CSMD1: variants seen among roughly 807,000 people sequenced by gnomAD.
CSMD1 encodes CUB and Sushi multiple domains 1.
Under a neutral mutation model 417.5 loss-of-function variants are expected in CSMD1, and 213 were observed. The ratio of observed to expected loss-of-function variants is 0.51; its 90% CI spans 0.46 to 0.57. The LOEUF is 0.57. CSMD1 is among the 20% of genes least tolerant of loss of function. The pLI, the probability that CSMD1 is intolerant of heterozygous loss-of-function variation, is 0.00. For synonymous variants in CSMD1, 2,862 were observed against 1,736.8 expected, an observed-to-expected ratio of 1.65 and a Z score of -16.11; for missense variants, 6,923 against 4,529.7, an observed-to-expected ratio of 1.53 and a Z score of -15.17.
At chr8:4,459,956 A>C (rs1434670867) in intron 2 of CSMD1, among the ~76,000 whole-genome samples, 1 of 152,224 alleles carries the variant, frequency 6.6e-6, no homozygotes. Context: ...ATAGAGGAAC[A>C]GAACAATCTA....
chr8:4,165,171 T>C (rs1273759691), intron 3 of CSMD1, among the ~76,000 whole-genome samples: 1 of 152,154 alleles, frequency 6.6e-6, no homozygotes, highest in Non-Finnish European at 1.5e-5. Context: ...ATATGATACC[T>C]ACGCCTAGCC....
At chr8:4,575,784 G>T (rs1043775387) in intron 2 of CSMD1, among the ~76,000 whole-genome samples, 14 of 152,254 alleles carry the variant, frequency 9.2e-5, no homozygotes, top group Admixed American at 6.5e-4. Context: ...ACAATTGCTG[G>T]TCTCATCTCC....
intron 11 of CSMD1, among the ~76,000 whole-genome samples, chr8:3,474,637 T>C (rs1817303879): frequency 6.6e-6 from 1 of 152,226 alleles, no homozygotes; most frequent in Non-Finnish European, 1.5e-5. Context: ...AACTTAACTC[T>C]TGTTTATATC....
In CSMD1 at chr8:3,639,552, T is replaced by G. The variant is rs147699951; in HGVS notation, c.1010-22755A>C. On this transcript the variant is annotated intron_variant, in intron 7 of 69. Transcript: ENST00000635120. Reference sequence around the variant, plus strand: ...AATAGGATGGATCAGAAGACCTGACTTCCTGCCTCAACCAGACCATCCAGA... The same window carrying G: ...AATAGGATGGATCAGAAGACCTGACGTCCTGCCTCAACCAGACCATCCAGA... Among the ~76,000 whole-genome samples the G allele has an allele frequency of 4.9e-3, 743 of 152,268 alleles. 6 individuals carry two copies. Among genetic ancestry groups the G allele is most frequent in the African/African-American group, 0.017 (709 of 41,544 alleles).
intron 49 of CSMD1, among the ~76,000 whole-genome samples, chr8:3,066,301 C>T (rs1247678693): frequency 6.6e-6 from 1 of 152,196 alleles, no homozygotes; most frequent in Non-Finnish European, 1.5e-5. Context: ...AAATAAATGA[C>T]TCCATGAAAA....
intron 26 of CSMD1, among the ~76,000 whole-genome samples, chr8:3,236,415 A>C (rs1799160811): frequency 6.6e-6 from 1 of 152,214 alleles, no homozygotes; most frequent in Non-Finnish European, 1.5e-5. Context: ...GATTGGACTA[A>C]AAAACCAATA....
At chr8:3,750,172 A>G (rs1797263085) in intron 6 of CSMD1, among the ~76,000 whole-genome samples, 1 of 152,210 alleles carries the variant, frequency 6.6e-6, no homozygotes, top group African/African-American at 2.4e-5. Context: ...CTGCAATCGT[A>G]TCAATCCAAG....
At chr8:3,894,061 C>G (rs73495921) in intron 5 of CSMD1, among the ~76,000 whole-genome samples, 1 of 152,070 alleles carries the variant, frequency 6.6e-6, no homozygotes, top group Non-Finnish European at 1.5e-5. Context: ...CTGCCACATC[C>G]TCACAAGCAG....
chr8:4,335,582 AC>A (rs1246364020), intron 3 of CSMD1, among the ~76,000 whole-genome samples: 9 of 152,122 alleles, frequency 5.9e-5, no homozygotes, highest in African/African-American at 1.9e-4. Flanking sequence ...GTCTTAGCTA[AC>A]TTTTCCTTAA....
At chr8:4,169,926 AC>A (rs1373441961) in intron 3 of CSMD1, among the ~76,000 whole-genome samples, 1 of 151,792 alleles carries the variant, frequency 6.6e-6, no homozygotes, top group East Asian at 1.9e-4. Flanking sequence ...ATAGAACGTA[AC>A]TCAGAAGAGA....
intron 3 of CSMD1, among the ~76,000 whole-genome samples, chr8:4,112,347 G>A (rs957667325): frequency 2.0e-5 from 3 of 152,198 alleles, no homozygotes; most frequent in South Asian, 2.1e-4. Context: ...CCTGTGATGA[G>A]GCTAGGGCTC....
intron 8 of CSMD1, among the ~76,000 whole-genome samples, chr8:3,614,030 A>G (rs2117152998): frequency 6.6e-6 from 1 of 151,992 alleles, no homozygotes; most frequent in African/African-American, 2.4e-5. Flanking sequence ...GAAATCTATC[A>G]AAAAAGCTAC....
chr8:3,658,171 G>T (rs201535058), intron 7 of CSMD1, among the ~76,000 whole-genome samples: 1 of 152,030 alleles, frequency 6.6e-6, no homozygotes, highest in Non-Finnish European at 1.5e-5. Flanking sequence ...TGTAACTCCA[G>T]AAGATACAAT....
chr8:3,442,548 T>A (rs905055954), intron 12 of CSMD1, among the ~76,000 whole-genome samples: 1 of 152,236 alleles, frequency 6.6e-6, no homozygotes, highest in African/African-American at 2.4e-5. Context: ...AGTCACATGC[T>A]GTACAGGTTT....
At chr8:3,530,847 C>T (rs114479570) in intron 10 of CSMD1, among the ~76,000 whole-genome samples, 2,591 of 143,366 alleles carry the variant, frequency 0.018, 74 homozygotes, top group African/African-American at 0.063. Flanking sequence ...TGAATCTTGA[C>T]GCCTCTCCTT....
intron 1 of CSMD1, among the ~76,000 whole-genome samples, chr8:4,800,060 T>C (rs1340838100): frequency 1.3e-5 from 2 of 152,156 alleles, no homozygotes; most frequent in Admixed American, 1.3e-4. Flanking sequence ...CACCAAAAAT[T>C]TGAATGATAT....
chr8:3,695,435 G>C (rs1563281738), intron 7 of CSMD1, among the ~76,000 whole-genome samples: 1 of 151,938 alleles, frequency 6.6e-6, no homozygotes, highest in African/African-American at 2.4e-5. Context: ...AATCCTCTTG[G>C]TAGATTGAAT....
At chr8:4,191,911 T>G (rs17069305) in intron 3 of CSMD1, among the ~76,000 whole-genome samples, 4,279 of 152,210 alleles carry the variant, frequency 0.028, 220 homozygotes, top group African/African-American at 0.097. Flanking sequence ...GGAAAGAAAG[T>G]GAGCATTAGC....
intron 5 of CSMD1, among the ~76,000 whole-genome samples, chr8:3,943,781 G>C (rs1388525352): frequency 2.0e-5 from 3 of 152,030 alleles, no homozygotes; most frequent in African/African-American, 7.2e-5. Context: ...CCCAAATTTA[G>C]GGACAGCCTG....
Sources: gnomAD v4.1 joint callset for allele counts (sites outside exome capture counted in the v4.1 genomes callset) on GRCh38, gnomAD v4.1.1 for gene constraint, MANE v1.5 for transcripts, NCBI Gene and HGNC (gene_info 2026-07-23, HGNC 2026-07-21) for gene names.